MAEA: variants seen among roughly 807,000 people sequenced by gnomAD.
The protein encoded by MAEA is E3 ubiquitin-protein transferase MAEA.
Under a neutral mutation model 46.2 loss-of-function variants are expected in MAEA, and 22 were observed. The observed-to-expected ratio is 0.48, with a 90% CI of 0.34 to 0.68. MAEA has a LOEUF of 0.68. Ranked by LOEUF, MAEA falls within the 30% of genes least tolerant of loss-of-function variation. The probability of loss-of-function intolerance (pLI) is 0.01; values close to 1 mark genes in which losing one functional copy is unlikely to be tolerated. For missense variants in MAEA, 393 were observed against 558.1 expected (o/e 0.70, Z 2.98); for synonymous variants, 246 against 222.6 (o/e 1.11, Z -0.94).
chr4:1,328,795 T>A (rs895039554), intron 5 of MAEA: 11 of 1,096,088 alleles, frequency 1.0e-5, no homozygotes, highest in Non-Finnish European at 1.2e-5. Context: ...CGGCTCCTGA[T>A]GCTGACCTGG....
intron 4 of MAEA, among the ~76,000 whole-genome samples, chr4:1,325,199 A>G (rs1738648281): frequency 6.6e-6 from 1 of 152,184 alleles, no homozygotes; most frequent in Non-Finnish European, 1.5e-5. Context: ...CTAGATGGGA[A>G]AAGAAACTTG....
intron 1 of MAEA, among the ~76,000 whole-genome samples, chr4:1,305,381 G>C (rs7666876): frequency 0.15 from 23,444 of 152,166 alleles, 3,482 homozygotes; most frequent in East Asian, 0.42. Context: ...GCGGCCCTCC[G>C]TCTGATTGCT....
intron 4 of MAEA, among the ~76,000 whole-genome samples, chr4:1,323,989 G>C (rs1738478120): frequency 6.6e-6 from 1 of 151,200 alleles, no homozygotes; most frequent in South Asian, 2.1e-4. Flanking sequence ...GCCTTGTGTT[G>C]GATGAGTTGA....
intron 1 of MAEA, chr4:1,309,875 G>A (rs1736267307): frequency 7.6e-7 from 1 of 1,309,614 alleles, no homozygotes; most frequent in African/African-American, 1.5e-5. Context: ...ACCGCGGTGA[G>A]GCGGACGGCC....
At chr4:1,296,471 G>C (rs894930580) in intron 1 of MAEA, among the ~76,000 whole-genome samples, 2 of 128,630 alleles carry the variant, frequency 1.6e-5, no homozygotes, top group African/African-American at 3.1e-5. Flanking sequence ...CCCCTCACCC[G>C]TGCCTGTGCC....
intron 6 of MAEA, among the ~76,000 whole-genome samples, chr4:1,333,490 T>C (rs1052766708): frequency 6.6e-6 from 1 of 152,136 alleles, no homozygotes; most frequent in Non-Finnish European, 1.5e-5. Context: ...TCCGTGGTTC[T>C]TTCTCTTGCT....
At chr4:1,335,562 T>C (rs35520540) in intron 6 of MAEA, 33,280 of 518,470 alleles carry the variant, frequency 0.064, 6,406 homozygotes, top group Admixed American at 0.26. Flanking sequence ...GGCCCCACAG[T>C]GTGTTGAAAT....
At chr4:1,327,600 A>C in intron 4 of MAEA, 27 bp from the exon 5 acceptor site, 1 of 1,584,356 alleles carries the variant, frequency 6.3e-7, no homozygotes, top group Non-Finnish European at 8.7e-7. Flanking sequence ...TGTGCTGTCT[A>C]AGCCCTCGTC....
intron 3 of MAEA, among the ~76,000 whole-genome samples, chr4:1,318,477 C>CA: frequency 6.6e-6 from 1 of 152,144 alleles, no homozygotes; most frequent in East Asian, 1.9e-4. Context: ...GGGCTACACT[C>CA]AAGGTGTTGG....
At chr4:1,294,630 G>A (rs923434370) in intron 1 of MAEA, among the ~76,000 whole-genome samples, 2 of 151,634 alleles carry the variant, frequency 1.3e-5, no homozygotes, top group African/African-American at 2.4e-5. Flanking sequence ...GGCCAGGTAC[G>A]GTCAGGCCCT....
chr4:1,332,738 C>T lies in MAEA; in HGVS notation c.657-19C>T, dbSNP rs1184276042. On this transcript the variant is annotated intron_variant, in intron 5 of 8. Transcript: ENST00000303400. ...AAATTAAAACGCAAACTTAAATGTG[C>T]CAAAATGTTGTTTTTTAGACATGCA... The T allele has an allele frequency of 3.1e-6, 5 of 1,595,834 alleles. No individual in the cohort carries two copies. In the Admixed American group the frequency reaches 5.1e-5, roughly 16 times the overall value.
intron 1 of MAEA, among the ~76,000 whole-genome samples, chr4:1,308,559 T>C (rs1180583805): frequency 6.6e-6 from 1 of 152,248 alleles, no homozygotes; most frequent in Non-Finnish European, 1.5e-5. Flanking sequence ...CGTGTCCCGC[T>C]GCTCCGCTTC....
chr4:1,315,713 TC>T, intron 3 of MAEA, 113 bp downstream of exon 3: 4 of 701,510 alleles, frequency 5.7e-6, no homozygotes, highest in South Asian at 1.7e-5. Flanking sequence ...TGTGTTCCCC[TC>T]CCCCCACCCC....
chr4:1,297,920 C>T, intron 1 of MAEA: 2 of 448,680 alleles, frequency 4.5e-6, no homozygotes, highest in Non-Finnish European at 4.5e-6. Flanking sequence ...CGATGTAGCC[C>T]CATCCCCTGC....
chr4:1,310,416 G>C (rs1216650239), intron 1 of MAEA, among the ~76,000 whole-genome samples: 1 of 152,256 alleles, frequency 6.6e-6, no homozygotes, highest in Non-Finnish European at 1.5e-5. Context: ...GGCAGGCAGT[G>C]TGGATGATGG....
At chr4:1,314,774 G>A (rs1354738070) in intron 2 of MAEA, among the ~76,000 whole-genome samples, 4 of 152,232 alleles carry the variant, frequency 2.6e-5, no homozygotes, top group South Asian at 4.1e-4. Flanking sequence ...ACAGACAGCC[G>A]GACAGCTGAT....
rs1560356836 is a variant in MAEA at position 1,316,967 on chromosome 4, A to ACCCTGGCCC, written c.456+1369_456+1370insCTGGCCCCC. The stretch of plus-strand genomic sequence containing the variant: ...ACACTCCAGACTCACCTGCAGGCCC[A>ACCCTGGCCC]CCACGGCCCCACACTCTAGACTCAC... On this transcript the variant is annotated intron_variant, in intron 3 of 8. Coordinates refer to ENST00000303400, the MANE Select transcript of MAEA (RefSeq NM_001017405.3). Among the ~76,000 whole-genome samples, 42 of 41,236 alleles carry ACCCTGGCCC rather than the reference A, an allele frequency of 1.0e-3. 1 individual carries two copies. Among genetic ancestry groups the ACCCTGGCCC allele is most frequent in the African/African-American group, 4.6e-3 (32 of 6,968 alleles). 27.1% of individuals were successfully genotyped at this position (41,236 alleles called of 152,430 possible).
chr4:1,332,894 C>G (rs758552159), intron 6 of MAEA, 29 bp downstream of exon 6: 1 of 1,550,974 alleles, frequency 6.4e-7, no homozygotes, highest in South Asian at 1.1e-5. Context: ...GGGTCGGTGT[C>G]ATGCTGGGGT....
chr4:1,314,707 G>A (rs1736916881), intron 2 of MAEA, among the ~76,000 whole-genome samples: 1 of 152,200 alleles, frequency 6.6e-6, no homozygotes, highest in Non-Finnish European at 1.5e-5. Flanking sequence ...GAAGAAAACA[G>A]AGACAAAGAA....
Sources: allele counts gnomAD v4.1 joint callset (sites outside exome capture counted in the v4.1 genomes callset), GRCh38; gene constraint gnomAD v4.1.1; transcripts MANE v1.5; gene names NCBI Gene and HGNC (gene_info 2026-07-23, HGNC 2026-07-21).